Variants in UGT1A7 observed in about 807,000 individuals in gnomAD.
UGT1A7 encodes UDP glucuronosyltransferase family 1 member A7, also known as UDP-glucuronosyltransferase 1A7.
A neutral mutation model predicts 45.6 loss-of-function variants in UGT1A7; 33 were observed. The observed-to-expected ratio is 0.72, with a 90% CI of 0.55 to 0.97. UGT1A7 has a LOEUF of 0.97. Among genes scored for constraint, UGT1A7 ranks in the 50% least tolerant of loss-of-function variants. The pLI is 0.00. For synonymous variants in UGT1A7, 274 were observed against 250.6 expected (o/e 1.09, Z -0.88); for missense variants, 684 against 666.2 (o/e 1.03, Z -0.29).
chr2:233,707,565 T>C (rs1281598076), intron 1 of UGT1A7, among the ~76,000 whole-genome samples: 5 of 151,872 alleles, frequency 3.3e-5, no homozygotes, highest in Non-Finnish European at 7.4e-5. Flanking sequence ...TTCAACCTTA[T>C]GTTTGAGAGA....
At chr2:233,717,743 G>T (rs182116418) in intron 1 of UGT1A7, 1 of 456,536 alleles carries the variant, frequency 2.2e-6, no homozygotes, top group East Asian at 6.9e-5. Context: ...AGTGCTCAGG[G>T]TCTCCCCCTA....
At chr2:233,709,716 G>T (rs2076087983) in intron 1 of UGT1A7, among the ~76,000 whole-genome samples, 1 of 152,154 alleles carries the variant, frequency 6.6e-6, no homozygotes, top group Non-Finnish European at 1.5e-5. Context: ...TTAATTGAAT[G>T]ATATGTTTTC....
chr2:233,696,093 A>G (rs546643053), intron 1 of UGT1A7, among the ~76,000 whole-genome samples: 84 of 152,330 alleles, frequency 5.5e-4, no homozygotes, highest in African/African-American at 1.8e-3. Flanking sequence ...GAGAGTCTTC[A>G]AAACAAAACA....
intron 1 of UGT1A7, among the ~76,000 whole-genome samples, chr2:233,723,239 T>C (rs1575545383): frequency 9.2e-6 from 1 of 108,622 alleles, no homozygotes; most frequent in African/African-American, 4.6e-5. Flanking sequence ...TGAGTTGGAG[T>C]CCTGCTGTCA....
At chr2:233,733,112 C>A (rs1009344972) in intron 1 of UGT1A7, among the ~76,000 whole-genome samples, 13 of 152,124 alleles carry the variant, frequency 8.5e-5, no homozygotes, top group African/African-American at 2.9e-4. Flanking sequence ...CTCTGTTTGT[C>A]TGTTATTGGT....
At chr2:233,715,057 T>C (rs1032772184) in intron 1 of UGT1A7, among the ~76,000 whole-genome samples, 2 of 152,140 alleles carry the variant, frequency 1.3e-5, no homozygotes. Flanking sequence ...TCTTTTTTTT[T>C]GTATTTTTTA....
At chr2:233,752,606 A>T (rs1695016071) in intron 1 of UGT1A7, 1 of 152,194 alleles carries the variant, frequency 6.6e-6, no homozygotes, top group African/African-American at 2.4e-5. Context: ...TTTTTAAAAA[A>T]ACATTAGCTA....
intron 1 of UGT1A7, among the ~76,000 whole-genome samples, chr2:233,731,462 C>A (rs1354411631): frequency 6.6e-6 from 1 of 152,008 alleles, no homozygotes; most frequent in Non-Finnish European, 1.5e-5. Flanking sequence ...CAGGCCCTGG[C>A]GTGTGATGTT....
intron 1 of UGT1A7, among the ~76,000 whole-genome samples, chr2:233,724,618 G>T (rs1325870277): frequency 7.3e-6 from 1 of 137,158 alleles, no homozygotes; most frequent in South Asian, 2.8e-4. Context: ...GGGCAGAGAC[G>T]CTCCTCACTT....
At chr2:233,765,745 A>G (rs554567026) in intron 1 of UGT1A7, among the ~76,000 whole-genome samples, 1 of 151,724 alleles carries the variant, frequency 6.6e-6, no homozygotes, top group Non-Finnish European at 1.5e-5. Context: ...AAACCCATAA[A>G]GCCATTTGAG....
chr2:233,752,549 C>G (rs1323378417), intron 1 of UGT1A7: 4 of 152,146 alleles, frequency 2.6e-5, no homozygotes, highest in Admixed American at 2.0e-4. Context: ...AATGCTCTTG[C>G]TGGGACAACA....
At chr2:233,721,302 G>C (rs541150498) in intron 1 of UGT1A7, among the ~76,000 whole-genome samples, 2 of 152,116 alleles carry the variant, frequency 1.3e-5, no homozygotes, top group African/African-American at 4.8e-5. Context: ...CATTTGAATA[G>C]TGATTGTGGC....
chr2:233,757,535 A>AATATATATATATATATATATATATAT (rs67292694), intron 1 of UGT1A7, among the ~76,000 whole-genome samples: 77 of 88,242 alleles, frequency 8.7e-4, no homozygotes, highest in East Asian at 3.1e-3. Context: ...GCCTGTAAGG[A>AATATATATATATATATATATATATAT]ATATATATAT....
At chr2:233,690,632 T>C (rs971639423) in intron 1 of UGT1A7, 1 of 1,287,656 alleles carries the variant, frequency 7.8e-7, no homozygotes, top group Non-Finnish European at 1.0e-6. Context: ...AAGTGATACC[T>C]GAGGACACCT....
chr2:233,719,181 T>C (rs2076734729), intron 1 of UGT1A7: 4 of 1,614,240 alleles, frequency 2.5e-6, no homozygotes, highest in Non-Finnish European at 3.4e-6. Flanking sequence ...GAACAATGTA[T>C]CTTTGGCCCT....
In UGT1A7 at chr2:233,725,300, A is replaced by G. The variant is rs956221010; in HGVS notation, c.856-41734A>G. The stretch of plus-strand genomic sequence containing the variant: ...CAGAGGCAGAGGCAGAGGCAGAGGC[A>G]GAGGCAGAGGCAGAGGCGCCTGGTC... On this transcript the variant is annotated intron_variant, in intron 1 of 4. Transcript: ENST00000373426. 9.4e-5 allele frequency among the ~76,000 whole-genome samples: 7 copies of G among 74,572 alleles called. 1 individual carries two copies. In the East Asian group the frequency reaches 1.7e-3, roughly 18 times the overall value. The allele number at this position is 74,572 out of a possible 152,430, so 48.9% of individuals were successfully genotyped here.
At chr2:233,706,753 C>T (rs1051377553) in intron 1 of UGT1A7, among the ~76,000 whole-genome samples, 3 of 152,174 alleles carry the variant, frequency 2.0e-5, no homozygotes, top group African/African-American at 7.2e-5. Context: ...AAGCAGAGTG[C>T]CGTACACTGG....
rs1191731023 is a variant in UGT1A7, at chr2:233,773,247, T to C, written c.*688T>C. ...ATGAAGTGCTGGGCAAGTTTACTTTTTTTCTGATGTTTCCTACAACTAAAA... is the reference window on the plus strand; with the variant it reads ...ATGAAGTGCTGGGCAAGTTTACTTTCTTTCTGATGTTTCCTACAACTAAAA... On this transcript the variant is annotated 3_prime_UTR_variant, in exon 5 of 5. Coordinates refer to ENST00000373426, the MANE Select transcript of UGT1A7 (RefSeq NM_019077.3). The C allele has an allele frequency of 6.6e-6, 1 of 152,354 alleles. No homozygotes were observed. Among genetic ancestry groups the C allele is most frequent in the Admixed American group, 6.5e-5 (1 of 15,284 alleles). 9.4% of individuals were successfully genotyped at this position (152,354 alleles called of 1,614,324 possible).
In UGT1A7 at chr2:233,747,393, C is replaced by T. The variant is rs925567764; in HGVS notation, c.856-19641C>T. Reference sequence around the variant, plus strand: ...TGCCAGAGGCCACCAGGCGGTGGTCCTCACCCCAGAGGTGAATATGCACAT... The same window carrying T: ...TGCCAGAGGCCACCAGGCGGTGGTCTTCACCCCAGAGGTGAATATGCACAT... On this transcript the variant is annotated intron_variant, in intron 1 of 4. Transcript: ENST00000373426. 15 of 1,605,988 alleles carry T rather than the reference C, an allele frequency of 9.3e-6. No homozygotes were observed. The East Asian group carries it at 3.3e-4, about 36-fold the overall frequency.
Sources: gnomAD v4.1 joint callset for allele counts (sites outside exome capture counted in the v4.1 genomes callset) on GRCh38, gnomAD v4.1.1 for gene constraint, MANE v1.5 for transcripts, NCBI Gene and HGNC (gene_info 2026-07-23, HGNC 2026-07-21) for gene names.